PODXL: variants seen among roughly 807,000 people sequenced by gnomAD.
PODXL encodes podocalyxin.
A neutral mutation model predicts 48.9 loss-of-function variants in PODXL; 20 were observed. The ratio of observed to expected loss-of-function variants is 0.41; its 90% confidence interval spans 0.29 to 0.59. The LOEUF (loss-of-function observed/expected upper bound fraction) is 0.59. PODXL is among the 20% of genes least tolerant of loss of function. The pLI, the probability that PODXL is intolerant of heterozygous loss-of-function variation, is 0.31. For missense variants in PODXL, 606 were observed against 675.1 expected, an observed-to-expected ratio of 0.90 and a Z score of 1.13; for synonymous variants, 295 against 287.4, an observed-to-expected ratio of 1.03 and a Z score of -0.27.
At chr7:131,529,050 G>C (rs1002626626) in intron 1 of PODXL, among the ~76,000 whole-genome samples, 1 of 151,288 alleles carries the variant, frequency 6.6e-6, no homozygotes, top group African/African-American at 2.4e-5. Context: ...TAAAGTTCAG[G>C]GGGGGAAACG....
At chr7:131,520,380 T>C in intron 1 of PODXL, 1 of 440,726 alleles carries the variant, frequency 2.3e-6, no homozygotes, top group Non-Finnish European at 4.4e-6. Flanking sequence ...GTCCCATACC[T>C]ATCCCTGTGC....
rs191022384 is a variant in PODXL, at chr7:131,508,705, C to T, written c.1101+246G>A. Among the ~76,000 whole-genome samples, 39 of 81,904 alleles carry T rather than the reference C, an allele frequency of 4.8e-4. No individual in the cohort carries two copies. The East Asian group carries it at 1.0e-2, about 21-fold the overall frequency. 53.7% of individuals were successfully genotyped at this position (81,904 alleles called of 152,430 possible). A position where few individuals can be genotyped will look rare whatever the true frequency, so the allele number is the denominator to read the frequency against. ...GTCACACAGTGAAAGCCGAGGAAAC[C>T]GGGGGGTGGGAGGGGGGGGTCCAGT... On this transcript the variant is annotated intron_variant, in intron 5 of 8. Transcript: ENST00000378555.
intron 1 of PODXL, among the ~76,000 whole-genome samples, chr7:131,531,542 A>G (rs1190438928): frequency 2.0e-5 from 3 of 152,180 alleles, no homozygotes; most frequent in Non-Finnish European, 4.4e-5. Flanking sequence ...GACCGCCATA[A>G]CAAATTACCA....
intron 1 of PODXL, among the ~76,000 whole-genome samples, chr7:131,536,066 CTA>C (rs1048276987): frequency 7.2e-5 from 11 of 152,104 alleles, no homozygotes; most frequent in Non-Finnish European, 1.2e-4. Context: ...CCAAAGAGGA[CTA>C]TGTTTTTTAA....
At chr7:131,514,061 G>A (rs1050516390) in intron 1 of PODXL, among the ~76,000 whole-genome samples, 1 of 152,156 alleles carries the variant, frequency 6.6e-6, no homozygotes, top group Non-Finnish European at 1.5e-5. Flanking sequence ...CCAGGAAGTG[G>A]CTTTGGTGTG....
At chr7:131,537,286 T>C (rs1247678808) in intron 1 of PODXL, among the ~76,000 whole-genome samples, 1 of 147,292 alleles carries the variant, frequency 6.8e-6, no homozygotes, top group East Asian at 2.1e-4. Context: ...CACTCCAGCC[T>C]GGGTGACAGT....
At chr7:131,532,334 G>A (rs1020983410) in intron 1 of PODXL, among the ~76,000 whole-genome samples, 4 of 150,572 alleles carry the variant, frequency 2.7e-5, no homozygotes, top group African/African-American at 9.7e-5. Flanking sequence ...TACTCGGGAG[G>A]CTGAGGCAGG....
chr7:131,529,531 G>C (rs1401035621), intron 1 of PODXL, among the ~76,000 whole-genome samples: 2 of 152,020 alleles, frequency 1.3e-5, no homozygotes, highest in Non-Finnish European at 2.9e-5. Context: ...GGTGGGATGA[G>C]AGGCTCTGGC....
In PODXL at chr7:131,510,311, C is replaced by G; in HGVS notation, c.727G>C (p.Val243Leu). The G allele has an allele frequency of 3.7e-6, 1 of 272,132 alleles. No homozygotes were observed. Among genetic ancestry groups the G allele is most frequent in the Non-Finnish European group, 7.1e-6 (1 of 140,066 alleles). 16.9% of individuals were successfully genotyped at this position (272,132 alleles called of 1,614,324 possible). The change falls in exon 3 of 9, where the codon GTC becomes CTC. Residue 243 changes from valine to leucine, a missense_variant. By Grantham distance (32) the Val-to-Leu change is conservative (BLOSUM62 1). Coordinates refer to ENST00000378555, the MANE Select transcript of PODXL (RefSeq NM_001018111.3). ...AGGAGTTCAAGACCAGCCTGGCTGA[C>G]ATGGTGAAACACTGTCTCTACTTGA... ...TTLLETVFHH[V>L]SQAGLELLTS... is the part of the protein sequence containing the mutation.
chr7:131,525,465 C>G (rs1266724260), intron 1 of PODXL, among the ~76,000 whole-genome samples: 2 of 137,422 alleles, frequency 1.5e-5, no homozygotes, highest in Non-Finnish European at 3.1e-5. Flanking sequence ...CAAAAATTAG[C>G]CAGGCATGGT....
At position 131,509,593 on chromosome 7, in the gene PODXL, T is replaced by C; in HGVS notation, c.803-8A>G. ...GCGAGATAACCGATGACGCTGTCAT[T>C]GGGAAAACGAGGGTAATGAGAAAAG... On this transcript the variant is annotated splice_polypyrimidine_tract_variant and splice_region_variant and intron_variant, in intron 3 of 8. Transcript: ENST00000378555. 2.6e-6 allele frequency: 4 copies of C among 1,516,414 alleles called. No individual in the cohort carries two copies. Among genetic ancestry groups the C allele is most frequent in the Non-Finnish European group, 3.6e-6 (4 of 1,126,674 alleles). 93.9% of individuals were successfully genotyped at this position (1,516,414 alleles called of 1,614,324 possible).
At chr7:131,529,389 C>T (rs746721088) in intron 1 of PODXL, among the ~76,000 whole-genome samples, 1 of 152,128 alleles carries the variant, frequency 6.6e-6, no homozygotes, top group African/African-American at 2.4e-5. Flanking sequence ...CTGCTTCAAT[C>T]TTCAAGGAGG....
intron 1 of PODXL, among the ~76,000 whole-genome samples, chr7:131,536,411 G>C (rs1798374308): frequency 6.6e-6 from 1 of 152,160 alleles, no homozygotes; most frequent in Non-Finnish European, 1.5e-5. Flanking sequence ...GGCTTCTGTG[G>C]GAGGGACCAC....
rs1213193554 is a variant in PODXL, at chr7:131,556,554, G to C, written c.-195C>G. The C allele has an allele frequency of 6.8e-6, 4 of 590,950 alleles. No individual in the cohort carries two copies. In the East Asian group the frequency reaches 1.6e-4, roughly 23 times the overall value. 36.6% of individuals were successfully genotyped at this position (590,950 alleles called of 1,614,324 possible). ...CGCTGCAGCAGAGCCGGGCTGGGGC[G>C]CAGAGCCAGTGGCAGAGGAGCGGCG... On this transcript the variant is annotated 5_prime_UTR_variant, in exon 1 of 9. Transcript: ENST00000378555.
chr7:131,526,583 C>CAT (rs1286624092), intron 1 of PODXL, among the ~76,000 whole-genome samples: 1 of 151,158 alleles, frequency 6.6e-6, no homozygotes, highest in East Asian at 1.9e-4. Context: ...ATTTTCATTT[C>CAT]ATACCCATCA....
intron 1 of PODXL, among the ~76,000 whole-genome samples, chr7:131,547,592 G>A (rs1458757487): frequency 6.6e-6 from 1 of 152,086 alleles, no homozygotes; most frequent in Non-Finnish European, 1.5e-5. Flanking sequence ...CAGAGTCTAG[G>A]GCATCAGCAG....
chr7:131,524,281 C>T (rs1430327247), intron 1 of PODXL, among the ~76,000 whole-genome samples: 3 of 151,414 alleles, frequency 2.0e-5, no homozygotes, highest in Non-Finnish European at 2.9e-5. Flanking sequence ...GAGAACAAAG[C>T]AAGGATGTCC....
intron 1 of PODXL, among the ~76,000 whole-genome samples, chr7:131,514,882 T>TACA (rs1366061418): frequency 2.6e-5 from 4 of 152,192 alleles, no homozygotes; most frequent in Non-Finnish European, 5.9e-5. Flanking sequence ...GTGCTGGGAT[T>TACA]ACAGGTGTGA....
chr7:131,554,545 C>T (rs1798715466), intron 1 of PODXL, among the ~76,000 whole-genome samples: 1 of 152,206 alleles, frequency 6.6e-6, no homozygotes, highest in South Asian at 2.1e-4. Flanking sequence ...GACATGGTTT[C>T]TGGCAGTGCC....
Sources: allele counts gnomAD v4.1 joint callset (sites outside exome capture counted in the v4.1 genomes callset), GRCh38; gene constraint gnomAD v4.1.1; transcripts MANE v1.5; gene names NCBI Gene and HGNC (gene_info 2026-07-23, HGNC 2026-07-21).